Variants in SMARCC1 observed in about 807,000 individuals in gnomAD.
SMARCC1 encodes the protein SWI/SNF related BAF chromatin remodeling complex subunit C1.
Under a neutral mutation model 147.4 loss-of-function variants are expected in SMARCC1, and 43 were observed. The observed-to-expected ratio is 0.29, with a 90% CI of 0.23 to 0.38. SMARCC1 has a LOEUF of 0.38. Among genes scored for constraint, SMARCC1 ranks in the 10% least tolerant of loss-of-function variants. SMARCC1 has a pLI of 1.00. For missense variants in SMARCC1, 1,119 were observed against 1,381.1 expected, an observed-to-expected ratio of 0.81 and a Z score of 3.01; for synonymous variants, 495 against 484.4, an observed-to-expected ratio of 1.02 and a Z score of -0.29.
At chr3:47,781,447 C>G (rs1055807781) in intron 1 of SMARCC1, among the ~76,000 whole-genome samples, 156 bp downstream of exon 1, 4 of 152,128 alleles carry the variant, frequency 2.6e-5, no homozygotes, top group African/African-American at 9.7e-5. Context: ...TCGCGGGCGC[C>G]CAGAGCGGGC....
intron 18 of SMARCC1, among the ~76,000 whole-genome samples, chr3:47,674,267 G>A (rs2033540790): frequency 6.6e-6 from 1 of 152,134 alleles, no homozygotes; most frequent in Non-Finnish European, 1.5e-5. Context: ...GGAGTCATGT[G>A]CTTTCATCTG....
intron 4 of SMARCC1, 65 bp from the exon 5 acceptor site, chr3:47,736,191 C>T (rs2034441158): frequency 3.4e-6 from 3 of 889,600 alleles, no homozygotes; most frequent in Non-Finnish European, 5.3e-6. Flanking sequence ...ATTATTTATG[C>T]AATATACAAA....
chr3:47,733,982 T>C (rs1401045203), intron 5 of SMARCC1, among the ~76,000 whole-genome samples: 2 of 151,848 alleles, frequency 1.3e-5, no homozygotes, highest in African/African-American at 2.4e-5. Context: ...TGTGTGTATA[T>C]ATATACATAT....
intron 3 of SMARCC1, 96 bp from the exon 4 acceptor site, chr3:47,738,206 T>C (rs931003699): frequency 8.1e-6 from 6 of 736,968 alleles, no homozygotes; most frequent in South Asian, 2.0e-5. Flanking sequence ...TTAGAAAGAT[T>C]TGAAAATTAA....
intron 26 of SMARCC1, among the ~76,000 whole-genome samples, chr3:47,598,070 T>C (rs953091596): frequency 6.6e-6 from 1 of 152,186 alleles, no homozygotes; most frequent in South Asian, 2.1e-4. Context: ...GGCACCTTTG[T>C]TTTTAAGGTG....
At chr3:47,594,220 C>T (rs1576381342) in intron 26 of SMARCC1, among the ~76,000 whole-genome samples, 1 of 151,328 alleles carries the variant, frequency 6.6e-6, no homozygotes, top group Admixed American at 6.6e-5. Context: ...CTTTTTAAAG[C>T]AAAGTACATC....
intron 3 of SMARCC1, among the ~76,000 whole-genome samples, chr3:47,744,257 T>G (rs1015927191): frequency 1.3e-5 from 2 of 152,164 alleles, no homozygotes; most frequent in Non-Finnish European, 2.9e-5. Flanking sequence ...TTCTCCTGTC[T>G]CAGCCTCCTG....
intron 26 of SMARCC1, among the ~76,000 whole-genome samples, chr3:47,593,524 G>C (rs1049101020): frequency 1.3e-5 from 2 of 152,154 alleles, no homozygotes; most frequent in African/African-American, 4.8e-5. Flanking sequence ...AAGAAAAAGA[G>C]AATCAATGTA....
At position 47,665,626 on chromosome 3, in the gene SMARCC1, G is replaced by A. The variant is rs570566394; in HGVS notation, c.1900-3034C>T. On this transcript the variant is annotated intron_variant, in intron 19 of 27. Coordinates refer to ENST00000254480, the MANE Select transcript of SMARCC1 (RefSeq NM_003074.4). ...CAGAAGAGCACAGAGTTGAGAATCT[G>A]TAAATGTCTGAGCCTAGGAACTGAT... 5.9e-5 allele frequency among the ~76,000 whole-genome samples: 9 copies of A among 152,270 alleles called. No individual in the cohort carries two copies. In the South Asian group the frequency reaches 1.9e-3, roughly 32 times the overall value.
intron 2 of SMARCC1, among the ~76,000 whole-genome samples, chr3:47,757,689 G>A (rs1427968888): frequency 1.3e-5 from 2 of 151,132 alleles, no homozygotes; most frequent in Admixed American, 1.3e-4. Context: ...GAGGCTGAGG[G>A]AGGAAAACGG....
At chr3:47,619,013 A>C (rs1170929346) in intron 25 of SMARCC1, among the ~76,000 whole-genome samples, 3 of 152,162 alleles carry the variant, frequency 2.0e-5, no homozygotes, top group African/African-American at 4.8e-5. Context: ...CTATTACTCC[A>C]GGCCCTCTAA....
intron 9 of SMARCC1, among the ~76,000 whole-genome samples, chr3:47,709,642 C>A (rs561821560): frequency 1.3e-5 from 2 of 150,664 alleles, no homozygotes; most frequent in Non-Finnish European, 3.0e-5. Flanking sequence ...GCCGAGATCG[C>A]GCCACTGCAT....
At chr3:47,631,096 A>G (rs534902843) in intron 24 of SMARCC1, among the ~76,000 whole-genome samples, 1 of 152,166 alleles carries the variant, frequency 6.6e-6, no homozygotes, top group East Asian at 1.9e-4. Flanking sequence ...GAGAAAGAAA[A>G]AGAGAGAGAA....
chr3:47,767,592 G>A (rs942561854), intron 2 of SMARCC1, among the ~76,000 whole-genome samples: 8 of 147,318 alleles, frequency 5.4e-5, no homozygotes, highest in Non-Finnish European at 9.0e-5. Context: ...GAACTCGGCC[G>A]GGTGCGGTGG....
chr3:47,760,707 A>G (rs2034763536), intron 2 of SMARCC1, among the ~76,000 whole-genome samples: 1 of 152,202 alleles, frequency 6.6e-6, no homozygotes, highest in Non-Finnish European at 1.5e-5. Flanking sequence ...ACAAACGTCA[A>G]TCAGCTGTGC....
At chr3:47,678,079 A>G in intron 16 of SMARCC1, 119 bp downstream of exon 16, 1 of 476,398 alleles carries the variant, frequency 2.1e-6, no homozygotes, top group Non-Finnish European at 3.8e-6. Context: ...CCTAAATGGC[A>G]TAACTAAAAT....
At chr3:47,613,779 C>A (rs977231268) in intron 25 of SMARCC1, among the ~76,000 whole-genome samples, 4 of 152,174 alleles carry the variant, frequency 2.6e-5, no homozygotes, top group Non-Finnish European at 5.9e-5. Flanking sequence ...GAAGACACAT[C>A]CTGAGCCCCC....
chr3:47,618,154 G>A (rs186177170), intron 25 of SMARCC1, among the ~76,000 whole-genome samples: 56 of 152,190 alleles, frequency 3.7e-4, no homozygotes, highest in Admixed American at 2.0e-3. Context: ...GATGGAGTCC[G>A]GAGAGTATTT....
At chr3:47,773,038 T>G in intron 1 of SMARCC1, 102 bp from the exon 2 acceptor site, 1 of 997,382 alleles carries the variant, frequency 1.0e-6, no homozygotes, top group South Asian at 1.7e-5. Context: ...TATGGGAAAT[T>G]TATAGATGTC....
Sources: gnomAD v4.1 joint callset for allele counts (sites outside exome capture counted in the v4.1 genomes callset) on GRCh38, gnomAD v4.1.1 for gene constraint, MANE v1.5 for transcripts, NCBI Gene and HGNC (gene_info 2026-07-23, HGNC 2026-07-21) for gene names.